Variants in C2orf49 observed in about 807,000 individuals in gnomAD.
The protein encoded by C2orf49 is tRNA splicing ligase complex subunit 2.
A neutral mutation model predicts 20.6 loss-of-function variants in C2orf49; 11 were observed. The ratio of observed to expected loss-of-function variants is 0.53; its 90% confidence interval spans 0.34 to 0.88. The LOEUF is 0.88. C2orf49 is among the 40% of genes least tolerant of loss of function. C2orf49 has a pLI of 0.02. For missense variants in C2orf49, 289 were observed against 274.2 expected, an observed-to-expected ratio of 1.05 and a Z score of -0.38; for synonymous variants, 134 against 108.5, an observed-to-expected ratio of 1.24 and a Z score of -1.46.
the C2orf49 span, chr2:105,360,917 A>G: frequency 7.8e-4 from 132 of 169,468 alleles, no homozygotes; most frequent in Admixed American, 1.7e-3. Context: ...ACAACTGGTC[A>G]TTACCTTATT....
At chr2:105,382,785 A>G in the C2orf49 span, among the ~76,000 whole-genome samples, 1 of 152,190 alleles carries the variant, frequency 6.6e-6, no homozygotes, top group Non-Finnish European at 1.5e-5. Flanking sequence ...CCCATGGAAC[A>G]TTCAAAGTCT....
Position 105,345,526 on chromosome 2 carries a change from T to C in C2orf49, c.*155T>C, listed in dbSNP as rs185972844. ...AAATAAAGGATTTATTTTCCTTCCC[T>C]TCTTCCCTCCCTCCCTTCCTTTTTT... is the stretch of plus-strand genomic sequence containing the variant. On this transcript the variant is annotated 3_prime_UTR_variant, in exon 4 of 4. Transcript: ENST00000258457. The C allele has an allele frequency of 9.8e-5, 64 of 655,158 alleles. No homozygotes were observed. Among genetic ancestry groups the C allele is most frequent in the Non-Finnish European group, 1.2e-4 (47 of 379,404 alleles). The allele number at this position is 655,158 out of a possible 1,614,324, so 40.6% of individuals were successfully genotyped here.
At chr2:105,362,949 T>G in the C2orf49 span, 10 of 281,048 alleles carry the variant, frequency 3.6e-5, no homozygotes, top group East Asian at 7.7e-4. Context: ...ACAGCACAGC[T>G]GCTAAGCCTG....
the C2orf49 span, chr2:105,373,438 G>A: frequency 1.9e-6 from 2 of 1,039,390 alleles, no homozygotes; most frequent in Admixed American, 2.0e-5. Context: ...GCAGTTCAAG[G>A]TCAAACTGGA....
chr2:105,354,452 G>A, the C2orf49 span, among the ~76,000 whole-genome samples: 1 of 152,060 alleles, frequency 6.6e-6, no homozygotes, highest in African/African-American at 2.4e-5. Context: ...GTAACTTGAG[G>A]TCAGGAGTTC....
the C2orf49 span, among the ~76,000 whole-genome samples, chr2:105,370,179 C>T: frequency 6.6e-6 from 1 of 152,052 alleles, no homozygotes; most frequent in Non-Finnish European, 1.5e-5. Flanking sequence ...TGGCGACCAG[C>T]CTGGGCAACA....
intron 2 of C2orf49, among the ~76,000 whole-genome samples, chr2:105,342,284 AGTGGAAAT>A (rs1679692227): frequency 6.6e-6 from 1 of 152,244 alleles, no homozygotes; most frequent in Non-Finnish European, 1.5e-5. Context: ...TACTATTAAG[AGTGGAAAT>A]TAGATTTCCA....
At position 105,348,527 on chromosome 2, in the gene C2orf49, C is replaced by CATATATATATATATAT. The variant is rs10533537; in HGVS notation, c.*3171_*3186dup. On this transcript the variant is annotated 3_prime_UTR_variant, in exon 4 of 4. Coordinates refer to ENST00000258457, the MANE Select transcript of C2orf49 (RefSeq NM_024093.3). ...AAGTAAAACTGCCAGTAGATTAAAT[C>CATATATATATATATAT]ATATATATATATATATATATATATA... 3.0e-5 allele frequency: 4 copies of CATATATATATATATAT among 132,424 alleles called. No homozygotes were observed. Among genetic ancestry groups the CATATATATATATATAT allele is most frequent in the Non-Finnish European group, 4.8e-5 (3 of 62,356 alleles). The allele number at this position is 132,424 out of a possible 1,614,324, so 8.2% of individuals were successfully genotyped here.
In C2orf49 at chr2:105,339,741, G is replaced by T. The variant is rs1679615702; in HGVS notation, c.258G>T (p.Glu86Asp). The part of the protein sequence containing the change: ...KKREQHEIKN[E>D]TKRSSTVDGL... ...GAGAACAACATGAGATTAAAAATGA[G>T]ACTAAAAGGTACTTTTTGGTGGTTC... Residue 86 changes from glutamate to aspartate, a missense_variant, in exon 2 of 4, where the codon GAG becomes GAT. Physicochemically the swap from Glu to Asp is conservative, Grantham distance 45. Transcript: ENST00000258457. 1 of 1,587,200 alleles carries T rather than the reference G, an allele frequency of 6.3e-7. No homozygotes were observed. Among genetic ancestry groups the T allele is most frequent in the South Asian group, 1.2e-5 (1 of 84,964 alleles).
chr2:105,340,779 A>G (rs997550672), intron 2 of C2orf49, among the ~76,000 whole-genome samples: 17 of 152,160 alleles, frequency 1.1e-4, no homozygotes, highest in East Asian at 3.9e-4. Context: ...TTCTGTGTCT[A>G]TTATATCTCA....
downstream of C2orf49, among the ~76,000 whole-genome samples, chr2:105,354,090 T>G (rs1679995081): frequency 6.6e-6 from 1 of 152,226 alleles, no homozygotes; most frequent in African/African-American, 2.4e-5. Flanking sequence ...TCTTTGCTAG[T>G]TTCTAAAGTT....
the C2orf49 span, among the ~76,000 whole-genome samples, chr2:105,383,839 C>T: frequency 5.3e-5 from 8 of 152,200 alleles, no homozygotes; most frequent in Non-Finnish European, 1.2e-4. Context: ...CCCCAAATGC[C>T]AAGGTCTCGC....
At chr2:105,385,178 T>G in the C2orf49 span, among the ~76,000 whole-genome samples, 2 of 152,206 alleles carry the variant, frequency 1.3e-5, no homozygotes, top group African/African-American at 4.8e-5. Flanking sequence ...TTTAGGGGGC[T>G]GGTGCTGTAC....
the C2orf49 span, among the ~76,000 whole-genome samples, chr2:105,377,492 G>A: frequency 0.46 from 70,306 of 151,766 alleles, 17,169 homozygotes; most frequent in African/African-American, 0.62. Context: ...TTAGCCAGGC[G>A]TGGTGGTGCA....
At chr2:105,358,535 A>C in the C2orf49 span, 1 of 152,470 alleles carries the variant, frequency 6.6e-6, no homozygotes, top group South Asian at 2.1e-4. Flanking sequence ...AGTTTGTCAC[A>C]TGAAGCTGGG....
the C2orf49 span, chr2:105,361,182 A>G: frequency 1.2e-5 from 14 of 1,216,252 alleles, no homozygotes; most frequent in Non-Finnish European, 1.6e-5. Context: ...AGAAAGTCTC[A>G]ATGTGGCTGG....
chr2:105,349,839 C>G (rs115122551), downstream of C2orf49, among the ~76,000 whole-genome samples: 2,190 of 152,276 alleles, frequency 0.014, 58 homozygotes, highest in African/African-American at 0.051. Context: ...CTATGGAGAG[C>G]TTTCAGGAGA....
the C2orf49 span, among the ~76,000 whole-genome samples, chr2:105,366,592 C>T: frequency 3.3e-3 from 500 of 152,302 alleles, 3 homozygotes; most frequent in Middle Eastern, 0.044. Context: ...TCAGAGGGCA[C>T]AGCAGAAAAC....
chr2:105,368,656 C>CT, the C2orf49 span, among the ~76,000 whole-genome samples: 5 of 152,204 alleles, frequency 3.3e-5, no homozygotes, highest in Admixed American at 3.3e-4. Flanking sequence ...ACCCCTGCCA[C>CT]CACCAAGCTG....
Sources: gnomAD v4.1 joint callset for allele counts (sites outside exome capture counted in the v4.1 genomes callset) on GRCh38, gnomAD v4.1.1 for gene constraint, MANE v1.5 for transcripts, NCBI Gene and HGNC (gene_info 2026-07-23, HGNC 2026-07-21) for gene names.